Variants in COL8A1 observed in about 807,000 individuals in gnomAD.
COL8A1 encodes the protein collagen type VIII alpha 1 chain, also known as collagen alpha-1(VIII) chain.
In COL8A1, 21 loss-of-function variants were observed where a neutral mutation model predicts 42.7. The ratio of observed to expected loss-of-function variants is 0.49; its 90% CI spans 0.35 to 0.71. The LOEUF (loss-of-function observed/expected upper bound fraction) is 0.71, where lower values mean the gene tolerates loss of function less well. Ranked by LOEUF, COL8A1 falls within the 30% of genes least tolerant of loss-of-function variation. The pLI, the probability that COL8A1 is intolerant of heterozygous loss-of-function variation, is 0.01. For missense variants in COL8A1, 788 were observed against 962.4 expected, an observed-to-expected ratio of 0.82 and a Z score of 2.40; for synonymous variants, 367 against 369.1, an observed-to-expected ratio of 0.99 and a Z score of 0.06.
chr3:99,766,202 C>G (rs1032053143), intron 2 of COL8A1, among the ~76,000 whole-genome samples: 2 of 152,188 alleles, frequency 1.3e-5, no homozygotes, highest in Non-Finnish European at 2.9e-5. Context: ...AATACGATCC[C>G]CATAGGGATT....
chr3:99,753,712 G>A (rs1028997918), intron 2 of COL8A1, among the ~76,000 whole-genome samples: 4 of 151,986 alleles, frequency 2.6e-5, no homozygotes, highest in African/African-American at 9.7e-5. Flanking sequence ...AATGTGCTCC[G>A]GTCTTATCTA....
At chr3:99,761,334 G>A (rs972315477) in intron 2 of COL8A1, among the ~76,000 whole-genome samples, 1 of 152,000 alleles carries the variant, frequency 6.6e-6, no homozygotes, top group Non-Finnish European at 1.5e-5. Context: ...TATTTTCATG[G>A]TACACCTAAA....
chr3:99,690,402 A>G (rs1044021016), intron 1 of COL8A1, among the ~76,000 whole-genome samples: 1 of 152,232 alleles, frequency 6.6e-6, no homozygotes, highest in East Asian at 1.9e-4. Flanking sequence ...ATCCTGATCT[A>G]TCTAGATTAG....
At chr3:99,749,445 C>T (rs963721230) in intron 2 of COL8A1, among the ~76,000 whole-genome samples, 7 of 152,144 alleles carry the variant, frequency 4.6e-5, no homozygotes, top group African/African-American at 9.7e-5. Context: ...CAAGCATCTA[C>T]CTAGAAAATG....
At chr3:99,773,849 T>A (rs1941639810) in intron 2 of COL8A1, among the ~76,000 whole-genome samples, 1 of 106,434 alleles carries the variant, frequency 9.4e-6, no homozygotes, top group Non-Finnish European at 2.0e-5. Flanking sequence ...TTTTTTTTTT[T>A]TTTTTTTTTT....
At chr3:99,682,421 A>C (rs1274748702) in intron 1 of COL8A1, among the ~76,000 whole-genome samples, 7 of 152,066 alleles carry the variant, frequency 4.6e-5, no homozygotes, top group Non-Finnish European at 1.0e-4. Context: ...CTGTCTCAAT[A>C]ATAATAATAA....
chr3:99,762,284 T>C (rs1351241604), intron 2 of COL8A1, among the ~76,000 whole-genome samples: 8 of 152,018 alleles, frequency 5.3e-5, no homozygotes, highest in Non-Finnish European at 1.2e-4. Flanking sequence ...TTAATGTGTA[T>C]CTATGTTAAT....
chr3:99,759,179 A>G (rs1276308776), intron 2 of COL8A1, among the ~76,000 whole-genome samples: 1 of 151,508 alleles, frequency 6.6e-6, no homozygotes, highest in Non-Finnish European at 1.5e-5. Context: ...TCCCTTCACT[A>G]AAATACAAGC....
intron 3 of COL8A1, among the ~76,000 whole-genome samples, chr3:99,793,942 C>T (rs574624087): frequency 2.6e-5 from 4 of 151,928 alleles, no homozygotes; most frequent in South Asian, 2.1e-4. Flanking sequence ...AGTAGAGACG[C>T]GGTTTCACTG....
intron 1 of COL8A1, among the ~76,000 whole-genome samples, chr3:99,712,720 T>A (rs1939874906): frequency 6.6e-6 from 1 of 152,098 alleles, no homozygotes; most frequent in Admixed American, 6.6e-5. Flanking sequence ...GAACTGAGAA[T>A]TAGACAGACA....
chr3:99,746,562 A>G (rs543088561), intron 2 of COL8A1, among the ~76,000 whole-genome samples: 14 of 152,246 alleles, frequency 9.2e-5, no homozygotes, highest in Non-Finnish European at 1.6e-4. Flanking sequence ...TAAATCATAA[A>G]AATGCAGAAG....
chr3:99,647,734 A>G (rs937763881), intron 1 of COL8A1, among the ~76,000 whole-genome samples: 4 of 152,224 alleles, frequency 2.6e-5, no homozygotes, highest in Non-Finnish European at 5.9e-5. Context: ...ATCGTTGGCC[A>G]AATATTTTCT....
At chr3:99,774,897 T>C (rs1941662836) in intron 2 of COL8A1, among the ~76,000 whole-genome samples, 1 of 152,212 alleles carries the variant, frequency 6.6e-6, no homozygotes, top group Non-Finnish European at 1.5e-5. Context: ...GTCTTAGACC[T>C]CCAATCTTCA....
chr3:99,740,849 A>G (rs927451057), intron 1 of COL8A1, among the ~76,000 whole-genome samples: 9 of 152,156 alleles, frequency 5.9e-5, no homozygotes, highest in African/African-American at 2.2e-4. Flanking sequence ...CTAAATAATA[A>G]AACAATATTC....
At chr3:99,722,084 T>C (rs1410739137) in intron 1 of COL8A1, among the ~76,000 whole-genome samples, 1 of 152,166 alleles carries the variant, frequency 6.6e-6, no homozygotes, top group Non-Finnish European at 1.5e-5. Context: ...CTTTTGAGGA[T>C]TCTTTTGATC....
At chr3:99,656,677 A>C (rs964547423) in intron 1 of COL8A1, among the ~76,000 whole-genome samples, 2 of 152,216 alleles carry the variant, frequency 1.3e-5, no homozygotes, top group African/African-American at 4.8e-5. Flanking sequence ...TTTCCTTACA[A>C]TCTTTCTTTT....
At chr3:99,714,943 T>C (rs1054440100) in intron 1 of COL8A1, among the ~76,000 whole-genome samples, 2 of 152,100 alleles carry the variant, frequency 1.3e-5, no homozygotes, top group African/African-American at 4.8e-5. Flanking sequence ...GAAAGAATAA[T>C]ATTCTAAACC....
intron 1 of COL8A1, chr3:99,679,549 C>G (rs1576427080): frequency 6.6e-6 from 1 of 152,104 alleles, no homozygotes; most frequent in East Asian, 1.9e-4. Context: ...ACAGGAGAAA[C>G]AGTTGTTAAT....
chr3:99,640,541 A>G (rs764999506), intron 1 of COL8A1, among the ~76,000 whole-genome samples: 13 of 152,152 alleles, frequency 8.5e-5, no homozygotes, highest in Admixed American at 7.2e-4. Context: ...TTTGGGGATA[A>G]AAGTATTCTC....
Sources: allele counts gnomAD v4.1 joint callset (sites outside exome capture counted in the v4.1 genomes callset), GRCh38; gene constraint gnomAD v4.1.1; transcripts MANE v1.5; gene names NCBI Gene and HGNC (gene_info 2026-07-23, HGNC 2026-07-21).